Variants in USP24 observed in about 807,000 individuals in gnomAD.
USP24 encodes ubiquitin carboxyl-terminal hydrolase 24.
Under a neutral mutation model 361.6 loss-of-function variants are expected in USP24, and 97 were observed. The observed-to-expected ratio is 0.27, with a 90% CI of 0.23 to 0.32. The LOEUF is 0.32. USP24 is among the 10% of genes least tolerant of loss of function. The pLI is 1.00. For synonymous variants in USP24, 1,098 were observed against 1,124.6 expected, an observed-to-expected ratio of 0.98 and a Z score of 0.47; for missense variants, 2,353 against 3,165.6, an observed-to-expected ratio of 0.74 and a Z score of 6.16.
chr1:55,196,792 G>A (rs767794045), intron 1 of USP24, among the ~76,000 whole-genome samples: 4 of 152,266 alleles, frequency 2.6e-5, no homozygotes, highest in South Asian at 4.1e-4. Context: ...AAAAGTTATC[G>A]TGACAGTTGC....
rs1645198351 is a variant in USP24, at chr1:55,083,813, A to T, written c.6841T>A (p.Cys2281Ser). 2 of 1,604,062 alleles carry T rather than the reference A, an allele frequency of 1.2e-6. No individual in the cohort carries two copies. Among genetic ancestry groups the T allele is most frequent in the Non-Finnish European group, 1.7e-6 (2 of 1,174,946 alleles). ...TTGAACAGGAAAAAGTACTGAGCACAGTTTTTACAATTTTCTGGGACGTCT... is the reference window on the plus strand; with the variant it reads ...TTGAACAGGAAAAAGTACTGAGCACTGTTTTTACAATTTTCTGGGACGTCT... ...DKDVPENCKN[C>S]AQYFFLFNTF... Residue 2281 changes from cysteine (C) to serine (S), a missense_variant, in exon 57 of 68, where the codon TGT becomes AGT. Cys to Ser is a moderately radical substitution (Grantham distance 112). Transcript: ENST00000294383.
intron 55 of USP24, among the ~76,000 whole-genome samples, chr1:55,086,970 CT>C (rs1417977483): frequency 7.9e-5 from 12 of 152,080 alleles, no homozygotes; most frequent in Non-Finnish European, 1.3e-4. Context: ...AGTCTGAATT[CT>C]TTAGATCAAT....
intron 41 of USP24, among the ~76,000 whole-genome samples, chr1:55,104,850 A>G (rs1645729322): frequency 6.6e-6 from 1 of 152,240 alleles, no homozygotes; most frequent in African/African-American, 2.4e-5. Context: ...AAGGACAGTA[A>G]GAAAAGAATA....
chr1:55,169,117 A>G (rs1649193349), intron 5 of USP24, among the ~76,000 whole-genome samples: 1 of 152,160 alleles, frequency 6.6e-6, no homozygotes, highest in African/African-American at 2.4e-5. Context: ...GAGACAATAC[A>G]AAATGAAACA....
At chr1:55,183,348 A>G (rs1274240082) in intron 1 of USP24, among the ~76,000 whole-genome samples, 2 of 152,226 alleles carry the variant, frequency 1.3e-5, no homozygotes, top group African/African-American at 2.4e-5. Context: ...TTATACACAC[A>G]TGCACATTAT....
At chr1:55,166,411 T>C (rs1253059432) in intron 6 of USP24, among the ~76,000 whole-genome samples, 157 bp downstream of exon 6, 2 of 152,088 alleles carry the variant, frequency 1.3e-5, no homozygotes, top group Non-Finnish European at 2.9e-5. Context: ...GCTAGTATTG[T>C]ACATACAAAA....
Position 55,162,248 on chromosome 1 carries a change from A to C in USP24, c.944T>G (p.Ile315Ser), listed in dbSNP as rs753477777. 6.3e-7 allele frequency: 1 copy of C among 1,591,024 alleles called. No homozygotes were observed. Among genetic ancestry groups the C allele is most frequent in the South Asian group, 1.2e-5 (1 of 85,994 alleles). Reference sequence around the variant, plus strand: ...CTCTGCACACACTCCTAAGGGCTGAATCAGTGCTGAGACAGCCTGGAAAAA... The same window carrying C: ...CTCTGCACACACTCCTAAGGGCTGACTCAGTGCTGAGACAGCCTGGAAAAA... Reference protein sequence around the residue: ...DIELGAVSALIQPLGVCAEYL... With the variant: ...DIELGAVSALSQPLGVCAEYL... Residue 315 changes from isoleucine (I) to serine (S), a missense_variant, in exon 8 of 68, where the codon ATT (isoleucine) becomes AGT (serine). Physicochemically the swap from Ile to Ser is moderately radical, Grantham distance 142. Around this residue, in one of 8 missense-constraint regions of USP24, gnomAD observed 386 missense variants for 560.5 expected, o/e 0.69. Transcript: ENST00000294383.
In USP24 at chr1:55,154,010, T is replaced by C. The variant is rs1055802775; in HGVS notation, c.1813-93A>G. The stretch of plus-strand genomic sequence containing the variant: ...GGACTTTAAGGTAAGAGCTTCCAGA[T>C]ATGGCATTTAGTTTAATTTACATAA... On this transcript the variant is annotated intron_variant, in intron 15 of 67. Coordinates refer to ENST00000294383, the MANE Select transcript of USP24 (RefSeq NM_015306.3). 10 of 1,563,846 alleles carry C rather than the reference T, an allele frequency of 6.4e-6. No homozygotes were observed. The African/African-American group carries it at 1.4e-4, about 21-fold the overall frequency.
intron 1 of USP24, among the ~76,000 whole-genome samples, chr1:55,196,253 TA>T (rs1163852411): frequency 6.6e-6 from 1 of 152,144 alleles, no homozygotes; most frequent in East Asian, 1.9e-4. Context: ...CCCAAGTCTC[TA>T]AACACTGGAG....
chr1:55,076,554 A>G (rs1015035312), intron 62 of USP24, among the ~76,000 whole-genome samples: 3 of 152,194 alleles, frequency 2.0e-5, no homozygotes, highest in African/African-American at 7.2e-5. Context: ...ACCAGTCACC[A>G]AATTCCAATG....
intron 38 of USP24, among the ~76,000 whole-genome samples, chr1:55,112,820 A>G (rs1645993105): frequency 6.6e-6 from 1 of 152,106 alleles, no homozygotes; most frequent in African/African-American, 2.4e-5. Context: ...GAATATCCTT[A>G]TTAATTTGCT....
In USP24 at chr1:55,079,798, A is replaced by ACT. The variant is rs1453272797; in HGVS notation, c.7079-141_7079-140dup. ...CTCACAGAGTACTCACACACTGAGT[A>ACT]CTCACACACTGAGTACTCGCAGAGT... On this transcript the variant is annotated intron_variant, in intron 59 of 67. Transcript: ENST00000294383. 44 of 1,145,660 alleles carry ACT rather than the reference A, an allele frequency of 3.8e-5. No homozygotes were observed. The Admixed American group carries it at 1.1e-3, about 29-fold the overall frequency. 71.0% of individuals were successfully genotyped at this position (1,145,660 alleles called of 1,614,324 possible). A position where few individuals can be genotyped will look rare whatever the true frequency, so the allele number is the denominator to read the frequency against.
intron 55 of USP24, among the ~76,000 whole-genome samples, chr1:55,087,022 A>T (rs1031129814): frequency 3.3e-5 from 5 of 152,248 alleles, no homozygotes; most frequent in African/African-American, 1.2e-4. Context: ...TTTTACAATT[A>T]TAATTATGTT....
Position 55,095,416 on chromosome 1 carries a change from G to C in USP24, c.6062-20C>G. 1 of 1,581,958 alleles carries C rather than the reference G, an allele frequency of 6.3e-7. No homozygotes were observed. Among genetic ancestry groups the C allele is most frequent in the Non-Finnish European group, 8.6e-7 (1 of 1,164,624 alleles). On this transcript the variant is annotated intron_variant, in intron 50 of 67. Coordinates refer to ENST00000294383, the MANE Select transcript of USP24 (RefSeq NM_015306.3). ...GGTTTGCTTTATAACAAGACATTAA[G>C]AAACACATCTGTAAATAAAAGTTTT... is the stretch of plus-strand genomic sequence containing the variant.
At chr1:55,184,647 G>A (rs190671298) in intron 1 of USP24, among the ~76,000 whole-genome samples, 123 of 152,202 alleles carry the variant, frequency 8.1e-4, no homozygotes, top group African/African-American at 2.9e-3. Context: ...CCTCAAGTGC[G>A]CATGAAATAT....
At chr1:55,183,781 T>C (rs1439633627) in intron 1 of USP24, among the ~76,000 whole-genome samples, 1 of 152,018 alleles carries the variant, frequency 6.6e-6, no homozygotes, top group Non-Finnish European at 1.5e-5. Flanking sequence ...TAGACAAAGA[T>C]ACAGAGACTG....
chr1:55,138,707 A>G lies in USP24; in HGVS notation c.2829T>C (p.Ser943=), dbSNP rs752859716. 4 of 1,611,994 alleles carry G rather than the reference A, an allele frequency of 2.5e-6. No homozygotes were observed. The highest frequency in any genetic ancestry group is 3.4e-6 in the Non-Finnish European group (4 of 1,178,956). The change falls in exon 26 of 68, where the codon TCT becomes TCC. Residue 943 remains serine, a synonymous_variant. Coordinates refer to ENST00000294383, the MANE Select transcript of USP24 (RefSeq NM_015306.3). ...RYVITIEDFY[S]VPRTILPHGA... ...CATGAGGTAGAATAGTTCGTGGAAC[A>G]GAGTAAAAATCCTTAAAAAACGAAT...
chr1:55,214,120 A>G (rs1333725746), intron 1 of USP24, among the ~76,000 whole-genome samples: 1 of 150,174 alleles, frequency 6.7e-6, no homozygotes. Context: ...TGCAATCCCC[A>G]CTGCTCTCAT....
chr1:55,135,458 T>C (rs1036050131), intron 28 of USP24, among the ~76,000 whole-genome samples: 2 of 152,228 alleles, frequency 1.3e-5, no homozygotes, highest in Admixed American at 1.3e-4. Flanking sequence ...AGTCAAAATC[T>C]TGTTTCATGC....
Sources: allele counts gnomAD v4.1 joint callset (sites outside exome capture counted in the v4.1 genomes callset), GRCh38; gene constraint gnomAD v4.1.1; regional missense constraint gnomAD v4.1.1; transcripts MANE v1.5; gene names NCBI Gene and HGNC (gene_info 2026-07-23, HGNC 2026-07-21).